CLCN5: variants seen among roughly 807,000 people sequenced by gnomAD.
The protein encoded by CLCN5 is H(+)/Cl(-) exchange transporter 5.
In CLCN5, 17 loss-of-function variants were observed where a neutral mutation model predicts 54.0. The observed-to-expected ratio is 0.31, with a 90% CI of 0.22 to 0.47. CLCN5 has a LOEUF of 0.47. Among genes scored for constraint, CLCN5 ranks in the 20% least tolerant of loss-of-function variants. The probability of loss-of-function intolerance (pLI) is 1.00; values close to 1 mark genes in which losing one functional copy is unlikely to be tolerated. For synonymous variants in CLCN5, 222 were observed against 233.0 expected (o/e 0.95, Z 0.43); for missense variants, 448 against 646.7 (o/e 0.69, Z 3.33).
intron 12 of CLCN5, among the ~76,000 whole-genome samples, 157 bp downstream of exon 12, chrX:50,089,041 G>C (rs184140547): frequency 6.8e-4 from 76 of 111,506 alleles, no homozygotes; most frequent in Admixed American, 5.9e-3. Context: ...CTGGTATACA[G>C]ATGAGGAAAC....
At chrX:49,952,593 C>T (rs1290004229) in intron 3 of CLCN5, among the ~76,000 whole-genome samples, 1 of 110,127 alleles carries the variant, frequency 9.1e-6, no homozygotes, top group Non-Finnish European at 1.9e-5. Flanking sequence ...CTCCAGAGGA[C>T]ACCTGTACAG....
chrX:50,029,679 A>C (rs1422453921), intron 3 of CLCN5, among the ~76,000 whole-genome samples: 20 of 111,832 alleles, frequency 1.8e-4, no homozygotes, highest in African/African-American at 6.2e-4. Flanking sequence ...TCAAAACCAC[A>C]ATGAGATACC....
At chrX:50,059,258 T>C (rs1305606034) in intron 4 of CLCN5, among the ~76,000 whole-genome samples, 1 of 111,861 alleles carries the variant, frequency 8.9e-6, no homozygotes, top group African/African-American at 3.2e-5. Context: ...TTGTTATACA[T>C]TTTAAAATAT....
intron 9 of CLCN5, among the ~76,000 whole-genome samples, chrX:50,083,599 C>G (rs190503965): frequency 8.9e-6 from 1 of 111,827 alleles, no homozygotes; most frequent in African/African-American, 3.2e-5. Context: ...GCTTTTAGGA[C>G]ATAAAAGCAT....
At chrX:49,938,852 CA>C (rs1926159649) in intron 3 of CLCN5, among the ~76,000 whole-genome samples, 1 of 101,471 alleles carries the variant, frequency 9.9e-6, no homozygotes, top group Non-Finnish European at 2.0e-5. Flanking sequence ...AGTGAACAGG[CA>C]ACCTACAGAA....
intron 4 of CLCN5, among the ~76,000 whole-genome samples, chrX:50,058,786 A>G (rs1932806679): frequency 9.0e-6 from 1 of 111,608 alleles, no homozygotes; most frequent in African/African-American, 3.3e-5. Flanking sequence ...GTTATTTTAT[A>G]TATAACATTC....
At chrX:50,025,845 G>C (rs2043830811) in intron 3 of CLCN5, among the ~76,000 whole-genome samples, 1 of 111,146 alleles carries the variant, frequency 9.0e-6, no homozygotes, top group Admixed American at 9.5e-5. Flanking sequence ...TGGTTTTGTT[G>C]ACTTTCTCTG....
At chrX:49,924,865 C>T (rs1925264816) in intron 2 of CLCN5, among the ~76,000 whole-genome samples, 2 of 112,128 alleles carry the variant, frequency 1.8e-5, no homozygotes, top group Admixed American at 1.9e-4. Flanking sequence ...GTCTCCAAAG[C>T]ATGAAACTTC....
At chrX:49,937,232 C>G (rs1302713325) in intron 3 of CLCN5, among the ~76,000 whole-genome samples, 2 of 111,881 alleles carry the variant, frequency 1.8e-5, no homozygotes, top group East Asian at 2.8e-4. Context: ...TGTGTTCTTG[C>G]ATATGCTTAG....
chrX:49,965,623 C>A (rs1184813180), intron 3 of CLCN5, among the ~76,000 whole-genome samples: 5 of 111,672 alleles, frequency 4.5e-5, no homozygotes, highest in African/African-American at 1.6e-4. Flanking sequence ...CTTGCCTAAT[C>A]CCACTGGCTA....
Position 50,094,040 on chromosome X carries a change from C to A in CLCN5, c.*1821C>A. On this transcript the variant is annotated 3_prime_UTR_variant, in exon 15 of 15. Transcript: ENST00000376091. ...CATATTCCCACCAACCCTCTACCCC[C>A]AAACACTTCAGTGTACCTCATTTTA... is the stretch of plus-strand genomic sequence containing the variant. 1 of 111,819 alleles carries A rather than the reference C, an allele frequency of 8.9e-6. No individual in the cohort carries two copies. The highest frequency in any genetic ancestry group is 3.2e-5 in the African/African-American group (1 of 30,832). 9.2% of individuals were successfully genotyped at this position (111,819 alleles called of 1,213,427 possible).
chrX:49,942,423 C>CT (rs1412255700), intron 3 of CLCN5, among the ~76,000 whole-genome samples: 2 of 106,265 alleles, frequency 1.9e-5, no homozygotes, highest in Non-Finnish European at 3.9e-5. Context: ...TATTATTATA[C>CT]TTTAAGTTTT....
At chrX:50,062,285 T>G (rs1451493546) in intron 4 of CLCN5, among the ~76,000 whole-genome samples, 3 of 56,668 alleles carry the variant, frequency 5.3e-5, no homozygotes, top group Non-Finnish European at 5.9e-5. Context: ...GAGACACACA[T>G]AGGCTCAAAA....
chrX:50,013,485 C>T (rs1930628080), intron 3 of CLCN5: 1 of 234,952 alleles, frequency 4.3e-6, no homozygotes, highest in Non-Finnish European at 8.2e-6. Flanking sequence ...CCTAGACTTC[C>T]CCAGGCCTAG....
Position 49,955,393 on chromosome X carries a change from G to GT in CLCN5, c.16+30092dup, listed in dbSNP as rs372145122. ...TATTTGTGTTTTACAGAGTTGGCAT[G>GT]TTTTTTTTTTTTTAACAGCTTCCGA... On this transcript the variant is annotated intron_variant, in intron 3 of 14. Coordinates refer to ENST00000376091, the MANE Select transcript of CLCN5 (RefSeq NM_001127898.4). Among the ~76,000 whole-genome samples, 930 of 100,910 alleles carry GT rather than the reference G, an allele frequency of 9.2e-3. 6 individuals carry two copies. The highest frequency in any genetic ancestry group is 0.013 in the Non-Finnish European group (620 of 48,905). The allele number at this position is 100,910 out of a possible 115,157, so 87.6% of individuals were successfully genotyped here. A position where few individuals can be genotyped will look rare whatever the true frequency, so the allele number is the denominator to read the frequency against.
intron 3 of CLCN5, among the ~76,000 whole-genome samples, chrX:50,007,383 C>G (rs1214594395): frequency 9.3e-5 from 9 of 96,623 alleles, no homozygotes; most frequent in Admixed American, 3.5e-4. Flanking sequence ...TTTTCTGTCT[C>G]TCTCTCTCTC....
At chrX:50,004,430 G>A (rs782595997) in intron 3 of CLCN5, among the ~76,000 whole-genome samples, 1 of 111,108 alleles carries the variant, frequency 9.0e-6, no homozygotes, top group East Asian at 2.8e-4. Context: ...GAGAAGTTTC[G>A]ATATCAAATA....
At chrX:49,984,516 G>A (rs1342104429) in intron 3 of CLCN5, among the ~76,000 whole-genome samples, 4 of 110,968 alleles carry the variant, frequency 3.6e-5, no homozygotes, top group African/African-American at 1.3e-4. Context: ...TGTCTTTTTT[G>A]TTTCTTTTGA....
chrX:49,945,584 C>T (rs1557171850), intron 3 of CLCN5: 1 of 102,990 alleles, frequency 9.7e-6, no homozygotes, highest in African/African-American at 3.6e-5. Context: ...TTTATGGGCT[C>T]GCGCCACCAC....
Sources: gnomAD v4.1 joint callset for allele counts (sites outside exome capture counted in the v4.1 genomes callset) on GRCh38, gnomAD v4.1.1 for gene constraint, MANE v1.5 for transcripts, NCBI Gene and HGNC (gene_info 2026-07-23, HGNC 2026-07-21) for gene names.